ARHGAP15: variants seen among roughly 807,000 people sequenced by gnomAD.
ARHGAP15 encodes the protein Rho GTPase activating protein 15.
A neutral mutation model predicts 63.7 loss-of-function variants in ARHGAP15; 51 were observed. The observed-to-expected ratio is 0.80, with a 90% CI of 0.64 to 1.01. The LOEUF (loss-of-function observed/expected upper bound fraction) is 1.01. Among genes scored for constraint, ARHGAP15 ranks in the 50% least tolerant of loss-of-function variants. The pLI, the probability that ARHGAP15 is intolerant of heterozygous loss-of-function variation, is 0.00. For missense variants in ARHGAP15, 560 were observed against 564.6 expected (o/e 0.99, Z 0.08); for synonymous variants, 191 against 193.8 (o/e 0.99, Z 0.12).
At chr2:143,482,263 A>G (rs1038954674) in intron 8 of ARHGAP15, among the ~76,000 whole-genome samples, 1 of 151,424 alleles carries the variant, frequency 6.6e-6, no homozygotes, top group Non-Finnish European at 1.5e-5. Context: ...TGGGAATGGA[A>G]AAAAAAAACT....
intron 6 of ARHGAP15, among the ~76,000 whole-genome samples, chr2:143,298,947 C>CGT (rs1460000530): frequency 2.0e-5 from 3 of 151,824 alleles, no homozygotes; most frequent in Non-Finnish European, 2.9e-5. Context: ...CTCAGGGTCA[C>CGT]GTAATGCATG....
At chr2:143,665,952 A>G (rs1205030365) in intron 12 of ARHGAP15, among the ~76,000 whole-genome samples, 1 of 145,946 alleles carries the variant, frequency 6.9e-6, no homozygotes, top group African/African-American at 2.5e-5. Flanking sequence ...TTCCATGCTC[A>G]TGGGTAGGAA....
At chr2:143,469,358 C>T (rs11904246) in intron 8 of ARHGAP15, among the ~76,000 whole-genome samples, 176 of 152,264 alleles carry the variant, frequency 1.2e-3, no homozygotes, top group African/African-American at 4.2e-3. Context: ...GAATGAAATG[C>T]AACTTGTACA....
chr2:143,610,798 G>A (rs556550977), intron 11 of ARHGAP15, among the ~76,000 whole-genome samples: 4 of 151,410 alleles, frequency 2.6e-5, no homozygotes, highest in Admixed American at 1.3e-4. Context: ...GTGTGATCTC[G>A]GCTCACTGCA....
At chr2:143,185,683 A>G (rs940094175) in intron 2 of ARHGAP15, among the ~76,000 whole-genome samples, 7 of 152,228 alleles carry the variant, frequency 4.6e-5, no homozygotes, top group Non-Finnish European at 7.3e-5. Context: ...ATCAATCATT[A>G]ACTGCTATCA....
chr2:143,674,335 C>A (rs992278472), intron 12 of ARHGAP15, among the ~76,000 whole-genome samples: 1 of 151,996 alleles, frequency 6.6e-6, no homozygotes, highest in African/African-American at 2.4e-5. Context: ...ATGGATGAAT[C>A]GTTAAAATTT....
intron 12 of ARHGAP15, among the ~76,000 whole-genome samples, chr2:143,675,373 G>C (rs1328391066): frequency 6.6e-6 from 1 of 152,052 alleles, no homozygotes; most frequent in African/African-American, 2.4e-5. Flanking sequence ...TTGCCCTTCT[G>C]CCTATGAATC....
chr2:143,179,383 G>C (rs1321640688), intron 2 of ARHGAP15, among the ~76,000 whole-genome samples: 1 of 152,108 alleles, frequency 6.6e-6, no homozygotes, highest in East Asian at 1.9e-4. Context: ...TTCCTCTTAT[G>C]TCTTAAGAAA....
At chr2:143,178,469 A>G (rs1359407660) in intron 2 of ARHGAP15, among the ~76,000 whole-genome samples, 2 of 152,220 alleles carry the variant, frequency 1.3e-5, no homozygotes, top group Non-Finnish European at 1.5e-5. Flanking sequence ...GCTAAATAGT[A>G]TCTAAAGTGA....
chr2:143,153,885 C>CTCCTCT (rs1689973268), intron 1 of ARHGAP15, among the ~76,000 whole-genome samples: 1 of 95,302 alleles, frequency 1.0e-5, no homozygotes, highest in Non-Finnish European at 2.3e-5. Flanking sequence ...CCTCCTCCTC[C>CTCCTCT]TCCTCCTCCT....
chr2:143,559,382 G>T (rs1695935115), intron 11 of ARHGAP15, among the ~76,000 whole-genome samples: 1 of 152,184 alleles, frequency 6.6e-6, no homozygotes, highest in South Asian at 2.1e-4. Context: ...ACAATGTAAG[G>T]CTGGACAGAG....
At chr2:143,694,854 A>G (rs1374656033) in intron 12 of ARHGAP15, among the ~76,000 whole-genome samples, 1 of 152,218 alleles carries the variant, frequency 6.6e-6, no homozygotes, top group Non-Finnish European at 1.5e-5. Context: ...CTTCAAAAAC[A>G]ATATTTTTAA....
Position 143,463,669 on chromosome 2 carries a change from T to C in ARHGAP15, c.704-23704T>C, listed in dbSNP as rs1315371935. On this transcript the variant is annotated intron_variant, in intron 8 of 13. Coordinates refer to ENST00000295095, the MANE Select transcript of ARHGAP15 (RefSeq NM_018460.4). The stretch of plus-strand genomic sequence containing the variant: ...ATCTTACTGGTAGTGGTACTGCTTC[T>C]CTGTTGAACCCAGGATGATTATACA... 2.6e-5 allele frequency among the ~76,000 whole-genome samples: 4 copies of C among 152,204 alleles called. No homozygotes were observed. The East Asian group carries it at 7.7e-4, about 29-fold the overall frequency.
At chr2:143,231,180 G>A (rs1249152199) in intron 5 of ARHGAP15, among the ~76,000 whole-genome samples, 1 of 149,652 alleles carries the variant, frequency 6.7e-6, no homozygotes, top group African/African-American at 2.5e-5. Flanking sequence ...AACAGAATTA[G>A]TAAGGAATGA....
At chr2:143,342,924 C>T (rs1390035033) in intron 6 of ARHGAP15, among the ~76,000 whole-genome samples, 1 of 152,044 alleles carries the variant, frequency 6.6e-6, no homozygotes, top group East Asian at 1.9e-4. Context: ...AAGAACTTAA[C>T]ACTACCTAAC....
chr2:143,572,825 C>T (rs1279760141), intron 11 of ARHGAP15, among the ~76,000 whole-genome samples: 1 of 151,988 alleles, frequency 6.6e-6, no homozygotes, highest in Non-Finnish European at 1.5e-5. Context: ...GGAATCCCTC[C>T]TAAATAAAAA....
chr2:143,493,546 C>G (rs1421105421), intron 9 of ARHGAP15, among the ~76,000 whole-genome samples: 1 of 152,140 alleles, frequency 6.6e-6, no homozygotes, highest in Middle Eastern at 3.2e-3. Flanking sequence ...CTTCCCCTAC[C>G]CAGAGTTTCA....
intron 12 of ARHGAP15, among the ~76,000 whole-genome samples, chr2:143,627,276 CAGAG>C (rs778608066): frequency 6.6e-6 from 1 of 152,090 alleles, no homozygotes; most frequent in Non-Finnish European, 1.5e-5. Context: ...ATATGTAAAA[CAGAG>C]GGATCAACCA....
intron 11 of ARHGAP15, among the ~76,000 whole-genome samples, chr2:143,595,318 A>G (rs1392444115): frequency 6.6e-6 from 1 of 152,076 alleles, no homozygotes; most frequent in Non-Finnish European, 1.5e-5. Context: ...GGCCCTTCCT[A>G]GAGCTGATAA....
Sources: gnomAD v4.1 joint callset for allele counts (sites outside exome capture counted in the v4.1 genomes callset) on GRCh38, gnomAD v4.1.1 for gene constraint, MANE v1.5 for transcripts, NCBI Gene and HGNC (gene_info 2026-07-23, HGNC 2026-07-21) for gene names.